The following TCF12 variants were observed in gnomAD, a reference collection of about 807,000 sequenced individuals.
TCF12 encodes transcription factor 12, also known as DNA-binding protein HTF4.
In TCF12, 45 loss-of-function variants were observed where a neutral mutation model predicts 86.0. The observed-to-expected ratio is 0.52, with a 90% CI of 0.41 to 0.67. The LOEUF (loss-of-function observed/expected upper bound fraction) is 0.67. TCF12 is among the 30% of genes least tolerant of loss of function. The pLI, the probability that TCF12 is intolerant of heterozygous loss-of-function variation, is 0.00. For synonymous variants in TCF12, 330 were observed against 299.6 expected (o/e 1.10, Z -1.05); for missense variants, 881 against 859.9 (o/e 1.02, Z -0.31).
intron 3 of TCF12, among the ~76,000 whole-genome samples, chr15:56,984,074 G>C (rs2063039591): frequency 6.7e-6 from 1 of 149,098 alleles, no homozygotes; most frequent in Admixed American, 6.7e-5. Context: ...GTGTTTCTTA[G>C]GATATGTAGA....
chr15:57,141,962 G>A (rs560402595), intron 5 of TCF12, among the ~76,000 whole-genome samples: 1 of 152,276 alleles, frequency 6.6e-6, no homozygotes, highest in South Asian at 2.1e-4. Flanking sequence ...ACAAACGGGA[G>A]GAATAGTTTG....
At position 57,262,924 on chromosome 15, in the gene TCF12, A is replaced by T. The variant is rs111815076; in HGVS notation, c.1583-188A>T. Among the ~76,000 whole-genome samples the T allele has an allele frequency of 6.4e-3, 981 of 152,342 alleles. 9 individuals are homozygous for T. Among genetic ancestry groups the T allele is most frequent in the African/African-American group, 0.023 (941 of 41,592 alleles). The stretch of plus-strand genomic sequence containing the variant: ...TGTTCTTCTAAATACAAATGCTGTT[A>T]AAAAGCACAAGGATGTGGATATATT... On this transcript the variant is annotated intron_variant, in intron 17 of 20. Coordinates refer to ENST00000333725, the MANE Select transcript of TCF12 (RefSeq NM_207037.2).
At chr15:57,225,406 A>ATTTTTTTTTTTTT in intron 8 of TCF12, among the ~76,000 whole-genome samples, 1 of 151,116 alleles carries the variant, frequency 6.6e-6, no homozygotes, top group South Asian at 2.1e-4. Flanking sequence ...TGCCCGGCTA[A>ATTTTTTTTTTTTT]TTTTTTTTAT....
At chr15:57,214,160 T>A (rs1442377646) in intron 8 of TCF12, 1 of 152,222 alleles carries the variant, frequency 6.6e-6, no homozygotes, top group Non-Finnish European at 1.5e-5. Context: ...ACCCCCCCTC[T>A]TTAATTTTTC....
At chr15:57,071,339 G>C (rs1271836201) in intron 4 of TCF12, among the ~76,000 whole-genome samples, 2 of 151,940 alleles carry the variant, frequency 1.3e-5, no homozygotes, top group Non-Finnish European at 2.9e-5. Flanking sequence ...ATGAACCCAG[G>C]GGTTGAGGTT....
intron 12 of TCF12, 126 bp from the exon 13 acceptor site, chr15:57,243,346 A>G (rs1463173250): frequency 7.0e-6 from 5 of 714,406 alleles, no homozygotes; most frequent in Non-Finnish European, 1.1e-5. Context: ...AAACTTGACA[A>G]GAAATTTTTT....
intron 3 of TCF12, among the ~76,000 whole-genome samples, chr15:57,029,427 C>T (rs1315784641): frequency 6.6e-6 from 1 of 152,166 alleles, no homozygotes; most frequent in Non-Finnish European, 1.5e-5. Context: ...TTAGAATCAG[C>T]TTGCAGTTTC....
At chr15:57,204,955 C>T (rs918293621) in intron 8 of TCF12, among the ~76,000 whole-genome samples, 2 of 152,094 alleles carry the variant, frequency 1.3e-5, no homozygotes, top group Non-Finnish European at 2.9e-5. Context: ...AAGAAAAATA[C>T]TCTGTGAGTA....
chr15:57,017,726 CTTTT>C (rs34230192), intron 3 of TCF12, among the ~76,000 whole-genome samples: 1 of 130,530 alleles, frequency 7.7e-6, no homozygotes. Flanking sequence ...AATTTTCTTT[CTTTT>C]TTTTTTTTTT....
chr15:57,164,695 GT>G (rs2054745617), intron 5 of TCF12, among the ~76,000 whole-genome samples: 1 of 151,330 alleles, frequency 6.6e-6, no homozygotes, highest in Non-Finnish European at 1.5e-5. Flanking sequence ...TTTGTTTTTT[GT>G]TTTGAGACGA....
upstream of TCF12, chr15:56,918,162 G>C (rs2059589923): frequency 1.3e-5 from 6 of 455,398 alleles, no homozygotes; most frequent in African/African-American, 4.0e-5. Flanking sequence ...CCTCCTGGAC[G>C]GGAGCCTCTG....
At chr15:56,965,972 T>C (rs1278877983) in intron 3 of TCF12, among the ~76,000 whole-genome samples, 1 of 152,222 alleles carries the variant, frequency 6.6e-6, no homozygotes, top group Non-Finnish European at 1.5e-5. Context: ...TATTTTATTT[T>C]CTAAAACTTA....
At chr15:56,985,919 A>C (rs2063157735) in intron 3 of TCF12, among the ~76,000 whole-genome samples, 1 of 152,200 alleles carries the variant, frequency 6.6e-6, no homozygotes. Context: ...ATTTCAGTTA[A>C]GAGGTTTTAA....
intron 3 of TCF12, among the ~76,000 whole-genome samples, chr15:57,001,878 G>A (rs530754188): frequency 1.3e-5 from 2 of 152,230 alleles, no homozygotes; most frequent in Admixed American, 6.5e-5. Flanking sequence ...CACTGTCTTT[G>A]GAAAGCCATA....
intron 4 of TCF12, among the ~76,000 whole-genome samples, chr15:57,064,255 A>G (rs1245302995): frequency 1.3e-5 from 2 of 152,228 alleles, no homozygotes; most frequent in Admixed American, 1.3e-4. Context: ...TCTTGGAAGC[A>G]TATCAAAACA....
chr15:57,256,436 G>A (rs1344943851), intron 16 of TCF12, among the ~76,000 whole-genome samples: 1 of 152,032 alleles, frequency 6.6e-6, no homozygotes, highest in African/African-American at 2.4e-5. Flanking sequence ...CTTGCCAACT[G>A]GCTCCAAGAG....
chr15:57,106,704 G>C (rs976426425), intron 5 of TCF12, among the ~76,000 whole-genome samples: 1 of 152,118 alleles, frequency 6.6e-6, no homozygotes, highest in Non-Finnish European at 1.5e-5. Context: ...AATATATAAA[G>C]AACTTCTAAA....
intron 5 of TCF12, among the ~76,000 whole-genome samples, chr15:57,139,165 TTC>T (rs1420165003): frequency 6.6e-6 from 1 of 152,166 alleles, no homozygotes; most frequent in Non-Finnish European, 1.5e-5. Flanking sequence ...TCTCCTTGAC[TTC>T]TCTTTTTCTA....
Position 57,166,389 on chromosome 15 carries a change from C to A in TCF12, c.326-13C>A, listed in dbSNP as rs375837166. Reference sequence around the variant, plus strand: ...GAAGGGTTTTATATAAAGTTAATTTCTTTGTTTTATAGGAAAAACATCAGA... The same window carrying A: ...GAAGGGTTTTATATAAAGTTAATTTATTTGTTTTATAGGAAAAACATCAGA... On this transcript the variant is annotated splice_polypyrimidine_tract_variant and intron_variant, in intron 5 of 20. Coordinates refer to ENST00000333725, the MANE Select transcript of TCF12 (RefSeq NM_207037.2). 3.8e-5 allele frequency: 61 copies of A among 1,607,050 alleles called. No individual in the cohort carries two copies. In the South Asian group the frequency reaches 6.2e-4, roughly 16 times the overall value.
Sources: allele counts gnomAD v4.1 joint callset (sites outside exome capture counted in the v4.1 genomes callset), GRCh38; gene constraint gnomAD v4.1.1; transcripts MANE v1.5; gene names NCBI Gene and HGNC (gene_info 2026-07-23, HGNC 2026-07-21).